The following AKAP19 variants were observed in gnomAD, a reference collection of about 807,000 sequenced individuals.
AKAP19 encodes the protein small A-kinase anchoring protein.
chr2:189,999,139 G>C, the AKAP19 span, among the ~76,000 whole-genome samples: 2 of 151,168 alleles, frequency 1.3e-5, no homozygotes, highest in Non-Finnish European at 2.9e-5. Context: ...TGTATAGTTT[G>C]CTCTTATTTT....
the AKAP19 span, among the ~76,000 whole-genome samples, chr2:189,988,320 G>A: frequency 3.3e-5 from 5 of 152,122 alleles, no homozygotes; most frequent in Admixed American, 3.3e-4. Flanking sequence ...ACAAAGGAAG[G>A]GGAAGTTGCA....
chr2:190,085,695 T>C, the AKAP19 span, among the ~76,000 whole-genome samples: 1 of 152,232 alleles, frequency 6.6e-6, no homozygotes, highest in African/African-American at 2.4e-5. Flanking sequence ...AGATTAGATT[T>C]GAAATTGGTA....
chr2:190,144,790 A>AG, the AKAP19 span, among the ~76,000 whole-genome samples: 1 of 152,046 alleles, frequency 6.6e-6, no homozygotes, highest in Non-Finnish European at 1.5e-5. Flanking sequence ...CAGCCTGACT[A>AG]ACATGGTAAA....
the AKAP19 span, among the ~76,000 whole-genome samples, chr2:189,910,390 A>G: frequency 6.6e-6 from 1 of 152,008 alleles, no homozygotes; most frequent in Non-Finnish European, 1.5e-5. Context: ...CAGTATCACA[A>G]AAATCTTGAT....
At chr2:189,992,112 C>T in the AKAP19 span, among the ~76,000 whole-genome samples, 697 of 148,766 alleles carry the variant, frequency 4.7e-3, 1 homozygote, top group Middle Eastern at 0.01. Context: ...TGCAGTGGTG[C>T]GATCTCTGCT....
the AKAP19 span, among the ~76,000 whole-genome samples, chr2:189,988,946 C>CCA: frequency 6.6e-6 from 1 of 152,156 alleles, no homozygotes; most frequent in Non-Finnish European, 1.5e-5. Context: ...AGGCAGCAGT[C>CCA]TAGTTTTGAC....
At chr2:190,108,680 C>CT in the AKAP19 span, among the ~76,000 whole-genome samples, 1 of 151,552 alleles carries the variant, frequency 6.6e-6, no homozygotes, top group African/African-American at 2.4e-5. Flanking sequence ...TAATAAATCT[C>CT]TAAGAGTGGT....
the AKAP19 span, among the ~76,000 whole-genome samples, chr2:189,984,502 G>C: frequency 6.6e-6 from 1 of 152,006 alleles, no homozygotes; most frequent in Non-Finnish European, 1.5e-5. Context: ...AAGGTGCTCA[G>C]ATTTCATAAT....
the AKAP19 span, among the ~76,000 whole-genome samples, chr2:190,170,082 G>C: frequency 6.6e-6 from 1 of 152,240 alleles, no homozygotes; most frequent in Non-Finnish European, 1.5e-5. Context: ...AGTTCTGCAG[G>C]ATGGGAAGTC....
At chr2:190,103,972 C>G in the AKAP19 span, among the ~76,000 whole-genome samples, 1 of 152,194 alleles carries the variant, frequency 6.6e-6, no homozygotes, top group African/African-American at 2.4e-5. Context: ...CAGCATGGTA[C>G]TGGTACAAAA....
chr2:190,121,896 G>T, the AKAP19 span, among the ~76,000 whole-genome samples: 1 of 151,846 alleles, frequency 6.6e-6, no homozygotes, highest in Non-Finnish European at 1.5e-5. Context: ...GTGTTTTTTT[G>T]TTTGTTTGTT....
chr2:189,970,254 A>G, the AKAP19 span, among the ~76,000 whole-genome samples: 2 of 152,120 alleles, frequency 1.3e-5, no homozygotes, highest in Admixed American at 6.5e-5. Context: ...TAACACAATG[A>G]ATACCTATAT....
chr2:190,085,801 A>T, the AKAP19 span, among the ~76,000 whole-genome samples: 1 of 152,234 alleles, frequency 6.6e-6, no homozygotes, highest in African/African-American at 2.4e-5. Context: ...GCTGGTAACC[A>T]GGTGCCTCTC....
At chr2:189,918,845 A>G in the AKAP19 span, among the ~76,000 whole-genome samples, 1 of 152,236 alleles carries the variant, frequency 6.6e-6, no homozygotes. Context: ...GTACTGGCAC[A>G]TAGTATAGTG....
the AKAP19 span, among the ~76,000 whole-genome samples, chr2:190,069,216 T>A: frequency 5.5e-5 from 8 of 144,902 alleles, no homozygotes; most frequent in African/African-American, 7.9e-5. Flanking sequence ...CAAAGACAGA[T>A]CAATCTCCCA....
chr2:190,126,521 G>C, the AKAP19 span, among the ~76,000 whole-genome samples: 2 of 151,442 alleles, frequency 1.3e-5, no homozygotes, highest in African/African-American at 4.9e-5. Context: ...TTATTTTTCC[G>C]GTCTTAAAGA....
At chr2:190,175,964 G>A in the AKAP19 span, among the ~76,000 whole-genome samples, 1 of 152,128 alleles carries the variant, frequency 6.6e-6, no homozygotes, top group African/African-American at 2.4e-5. Flanking sequence ...CATTTAGCTA[G>A]GGTTCCCCAC....
At chr2:190,047,756 A>G in the AKAP19 span, among the ~76,000 whole-genome samples, 448 of 152,334 alleles carry the variant, frequency 2.9e-3, 1 homozygote, top group African/African-American at 0.01. Context: ...GTGGAAGAAA[A>G]TGTTATTCCT....
At chr2:190,061,420 C>A in the AKAP19 span, among the ~76,000 whole-genome samples, 1 of 151,472 alleles carries the variant, frequency 6.6e-6, no homozygotes, top group Admixed American at 6.6e-5. Flanking sequence ...GTAGATACTA[C>A]AGGTAAAAGC....
Sources: allele counts gnomAD v4.1 joint callset (sites outside exome capture counted in the v4.1 genomes callset), GRCh38; gene constraint gnomAD v4.1.1; transcripts MANE v1.5; gene names NCBI Gene and HGNC (gene_info 2026-07-23, HGNC 2026-07-21).